Variants in SOX5 observed in about 807,000 individuals in gnomAD.
SOX5 encodes transcription factor SOX-5.
In SOX5, 9 loss-of-function variants were observed where a neutral mutation model predicts 92.0. The observed-to-expected ratio is 0.10, with a 90% confidence interval of 0.06 to 0.17. The LOEUF is 0.17. Among genes scored for constraint, SOX5 ranks in the 10% least tolerant of loss-of-function variants. SOX5 has a pLI of 1.00. For synonymous variants in SOX5, 344 were observed against 336.3 expected (o/e 1.02, Z -0.25); for missense variants, 642 against 944.5 (o/e 0.68, Z 4.20).
intron 1 of SOX5, among the ~76,000 whole-genome samples, chr12:24,456,750 C>T (rs1943063218): frequency 6.6e-6 from 1 of 152,164 alleles, no homozygotes; most frequent in South Asian, 2.1e-4. Context: ...GTGAAAGCTT[C>T]ATTATCATTT....
intron 1 of SOX5, among the ~76,000 whole-genome samples, chr12:24,371,564 T>C (rs1452748045): frequency 2.6e-5 from 4 of 152,240 alleles, no homozygotes; most frequent in Admixed American, 2.6e-4. Context: ...TCTTTCACCC[T>C]GAAAACAGGA....
At chr12:24,069,213 G>C (rs1006376760) in intron 4 of SOX5, among the ~76,000 whole-genome samples, 1 of 152,134 alleles carries the variant, frequency 6.6e-6, no homozygotes, top group Middle Eastern at 3.4e-3. Context: ...TGAATTTTAT[G>C]GTTTTAAATC....
chr12:24,445,318 C>T (rs1042019484), intron 1 of SOX5, among the ~76,000 whole-genome samples: 16 of 152,006 alleles, frequency 1.1e-4, no homozygotes, highest in African/African-American at 3.9e-4. Flanking sequence ...GAGAACCTCT[C>T]TAATTTTATT....
intron 3 of SOX5, among the ~76,000 whole-genome samples, chr12:23,815,647 A>T (rs959543867): frequency 2.0e-5 from 3 of 152,202 alleles, no homozygotes; most frequent in Admixed American, 1.3e-4. Context: ...TGGCAGAGAA[A>T]ATGCTACCTC....
At position 24,473,677 on chromosome 12, in the gene SOX5, A is replaced by T. The variant is rs74418108; in HGVS notation, c.-251+88652T>A. Among the ~76,000 whole-genome samples, 21 of 152,336 alleles carry T rather than the reference A, an allele frequency of 1.4e-4. No homozygotes were observed. In the East Asian group the frequency reaches 4.0e-3, roughly 29 times the overall value. On this transcript the variant is annotated intron_variant, in intron 1 of 4. Transcript: ENST00000446891. The stretch of plus-strand genomic sequence containing the variant: ...AATTCAAATAACACTCATTGTAAGA[A>T]TCCGAGTACAGGTGTAAGACTGAGC...
intron 9 of SOX5, 41 bp from the exon 10 acceptor site, chr12:23,575,879 C>G (rs1565959009): frequency 1.4e-6 from 2 of 1,479,316 alleles, no homozygotes; most frequent in African/African-American, 2.9e-5. Flanking sequence ...TAAGGAAAGG[C>G]TGATAAAAAA....
At chr12:23,909,590 T>C (rs2097329266) in intron 1 of SOX5, among the ~76,000 whole-genome samples, 1 of 152,154 alleles carries the variant, frequency 6.6e-6, no homozygotes, top group African/African-American at 2.4e-5. Context: ...ATTTACCATT[T>C]ATAGGTACTC....
At chr12:24,418,480 T>C (rs746066501) in intron 1 of SOX5, among the ~76,000 whole-genome samples, 11 of 152,204 alleles carry the variant, frequency 7.2e-5, no homozygotes, top group Non-Finnish European at 1.3e-4. Flanking sequence ...CTGGAAAACA[T>C]TGCCTTACTG....
At position 24,374,349 on chromosome 12, in the gene SOX5, A is replaced by C. The variant is rs140456503; in HGVS notation, c.-250-5710T>G. Among the ~76,000 whole-genome samples, 776 of 152,214 alleles carry C rather than the reference A, an allele frequency of 5.1e-3. 9 individuals carry two copies. The highest frequency in any genetic ancestry group is 0.015 in the African/African-American group (607 of 41,532). On this transcript the variant is annotated intron_variant, in intron 1 of 4. Transcript: ENST00000446891. ...CTGTTTTTAGTCTTGTGTCCATCTA[A>C]CCTGGTGAGAGAGAAATAAAAAGCC...
chr12:24,230,285 G>A (rs1478662351), intron 3 of SOX5, among the ~76,000 whole-genome samples: 1 of 152,074 alleles, frequency 6.6e-6, no homozygotes, highest in Non-Finnish European at 1.5e-5. Flanking sequence ...AGACCTTGCT[G>A]CTCCTGGCCC....
In SOX5 at chr12:23,533,952, T is replaced by C; in HGVS notation, c.*267A>G. ...GACGGGTAAGACTTCAGTGCTTGGA[T>C]GTAGCAGCTGAATTACTGGCATTAT... is the stretch of plus-strand genomic sequence containing the variant. On this transcript the variant is annotated 3_prime_UTR_variant, in exon 15 of 15. Coordinates refer to ENST00000451604, the MANE Select transcript of SOX5 (RefSeq NM_006940.6). 1 of 325,626 alleles carries C rather than the reference T, an allele frequency of 3.1e-6. No individual in the cohort carries two copies. The highest frequency in any genetic ancestry group is 4.5e-5 in the Admixed American group (1 of 22,176). The allele number at this position is 325,626 out of a possible 1,614,324, so 20.2% of individuals were successfully genotyped here. A position where few individuals can be genotyped will look rare whatever the true frequency, so the allele number is the denominator to read the frequency against.
chr12:23,928,560 T>G (rs947064060), intron 1 of SOX5, among the ~76,000 whole-genome samples: 3 of 151,754 alleles, frequency 2.0e-5, no homozygotes, highest in Admixed American at 1.3e-4. Flanking sequence ...AATTATAAAT[T>G]TATTTATTTT....
intron 3 of SOX5, among the ~76,000 whole-genome samples, chr12:24,261,931 G>T (rs968809899): frequency 3.9e-5 from 6 of 152,308 alleles, no homozygotes; most frequent in African/African-American, 1.2e-4. Flanking sequence ...AAGCATATCA[G>T]ATCGTGAAAA....
At chr12:24,197,170 T>C (rs907938525) in intron 4 of SOX5, among the ~76,000 whole-genome samples, 6 of 152,212 alleles carry the variant, frequency 3.9e-5, no homozygotes, top group Non-Finnish European at 8.8e-5. Context: ...TGACATTTTC[T>C]CTAATCTTGG....
intron 1 of SOX5, among the ~76,000 whole-genome samples, chr12:23,922,615 T>G (rs1938640933): frequency 6.6e-6 from 1 of 152,258 alleles, no homozygotes; most frequent in East Asian, 1.9e-4. Context: ...ACAGAGAAAA[T>G]GAGATCCGAT....
At chr12:24,543,473 C>A (rs1052950420) in intron 1 of SOX5, among the ~76,000 whole-genome samples, 1 of 152,170 alleles carries the variant, frequency 6.6e-6, no homozygotes, top group African/African-American at 2.4e-5. Flanking sequence ...GATCACTTGA[C>A]ATCAGGAGTT....
intron 1 of SOX5, among the ~76,000 whole-genome samples, chr12:24,528,456 T>G (rs1470314532): frequency 6.6e-6 from 1 of 152,134 alleles, no homozygotes; most frequent in African/African-American, 2.4e-5. Flanking sequence ...ATCCTGGTGG[T>G]TGTAACAAGT....
At chr12:24,352,098 A>G (rs1325580649) in intron 2 of SOX5, among the ~76,000 whole-genome samples, 1 of 152,242 alleles carries the variant, frequency 6.6e-6, no homozygotes, top group Non-Finnish European at 1.5e-5. Context: ...GTGTTGTCCA[A>G]TAGTATCAGA....
chr12:23,906,586 C>T (rs568234768), intron 1 of SOX5, among the ~76,000 whole-genome samples: 5 of 152,320 alleles, frequency 3.3e-5, no homozygotes, highest in African/African-American at 1.2e-4. Context: ...ATGCTCGGCT[C>T]CTTGTGTGTC....
Sources: allele counts gnomAD v4.1 joint callset (sites outside exome capture counted in the v4.1 genomes callset), GRCh38; gene constraint gnomAD v4.1.1; transcripts MANE v1.5; gene names NCBI Gene and HGNC (gene_info 2026-07-23, HGNC 2026-07-21).